RAB3IL1: variants seen among roughly 807,000 people sequenced by gnomAD.
RAB3IL1 encodes RAB3A interacting protein like 1, also known as guanine nucleotide exchange factor for Rab-3A.
Under a neutral mutation model 49.2 loss-of-function variants are expected in RAB3IL1, and 37 were observed. The observed-to-expected ratio is 0.75, with a 90% CI of 0.58 to 0.99. RAB3IL1 has a LOEUF of 0.99. Among genes scored for constraint, RAB3IL1 ranks in the 50% least tolerant of loss-of-function variants. The pLI is 0.00. For missense variants in RAB3IL1, 484 were observed against 513.0 expected (o/e 0.94, Z 0.55); for synonymous variants, 193 against 213.9 (o/e 0.90, Z 0.85).
chr11:61,900,084 ACTC>A (rs1938826173), intron 8 of RAB3IL1, among the ~76,000 whole-genome samples: 1 of 151,814 alleles, frequency 6.6e-6, no homozygotes, highest in Non-Finnish European at 1.5e-5. Flanking sequence ...CTCTGTACTC[ACTC>A]CTCCTGTAGA....
the RAB3IL1 span, among the ~76,000 whole-genome samples, chr11:61,943,098 G>C: frequency 2.0e-5 from 3 of 152,194 alleles, no homozygotes; most frequent in Admixed American, 6.5e-5. Flanking sequence ...TCCTGGTTTC[G>C]AAATTTCTAC....
At chr11:61,921,084 A>G (rs1285917186), upstream of RAB3IL1, among the ~76,000 whole-genome samples, 1 of 152,084 alleles carries the variant, frequency 6.6e-6, no homozygotes, top group Admixed American at 6.5e-5. Context: ...GGGCAGCCTC[A>G]AACTGCCCAG....
rs1939355455 is a variant in RAB3IL1, at chr11:61,909,261, A to T, written c.12-955T>A. Among the ~76,000 whole-genome samples the T allele has an allele frequency of 2.6e-5, 4 of 152,202 alleles. No homozygotes were observed. In the South Asian group the frequency reaches 8.3e-4, roughly 32 times the overall value. On this transcript the variant is annotated intron_variant, in intron 1 of 9. Transcript: ENST00000394836. ...GGGGGGAGGGGCTCAGGGAGGCTGC[A>T]CCAGAGGGGGAAGGCAAGGCCAAGG...
At chr11:61,936,403 T>TTTG in the RAB3IL1 span, among the ~76,000 whole-genome samples, 1 of 152,284 alleles carries the variant, frequency 6.6e-6, no homozygotes, top group East Asian at 1.9e-4. Context: ...AATCTTGATT[T>TTTG]TTGTTGTTGT....
chr11:61,935,216 T>G, the RAB3IL1 span, among the ~76,000 whole-genome samples: 1 of 151,960 alleles, frequency 6.6e-6, no homozygotes, highest in South Asian at 2.1e-4. Context: ...GGTCTGGGGT[T>G]CAAGACCAGC....
At chr11:61,939,488 C>T in the RAB3IL1 span, among the ~76,000 whole-genome samples, 1 of 151,688 alleles carries the variant, frequency 6.6e-6, no homozygotes, top group African/African-American at 2.4e-5. Flanking sequence ...ATAAACTAAA[C>T]CCAAAGCAAG....
intron 1 of RAB3IL1, among the ~76,000 whole-genome samples, chr11:61,910,144 C>T (rs1469509260): frequency 1.3e-5 from 2 of 152,216 alleles, no homozygotes; most frequent in African/African-American, 4.8e-5. Context: ...TGGTCAGTGA[C>T]AGTGCTGGGA....
At chr11:61,932,501 GTTAT>G in the RAB3IL1 span, among the ~76,000 whole-genome samples, 10 of 152,114 alleles carry the variant, frequency 6.6e-5, no homozygotes, top group Admixed American at 4.6e-4. Flanking sequence ...TCATTCAGCA[GTTAT>G]TTGTTTGGTA....
chr11:61,922,518 G>A (rs1456377183), upstream of RAB3IL1, among the ~76,000 whole-genome samples: 8 of 151,722 alleles, frequency 5.3e-5, no homozygotes, highest in Non-Finnish European at 7.4e-5. Flanking sequence ...GCCAAACTCC[G>A]TCTTGGAAAA....
At chr11:61,929,027 T>C in the RAB3IL1 span, among the ~76,000 whole-genome samples, 1 of 152,204 alleles carries the variant, frequency 6.6e-6, no homozygotes, top group African/African-American at 2.4e-5. Context: ...AAAAATTATT[T>C]TTAATTATGG....
chr11:61,934,446 G>GTGTATGTGTATGTATGTATATATA, the RAB3IL1 span, among the ~76,000 whole-genome samples: 1 of 24,408 alleles, frequency 4.1e-5, no homozygotes, highest in Non-Finnish European at 1.2e-4. Flanking sequence ...GTGTGTGTGT[G>GTGTATGTGTATGTATGTATATATA]TATGTATATA....
At chr11:61,934,450 G>GTGTGTGTATGTATATA in the RAB3IL1 span, among the ~76,000 whole-genome samples, 21 of 31,590 alleles carry the variant, frequency 6.6e-4, no homozygotes, top group Non-Finnish European at 1.1e-3. Flanking sequence ...GTGTGTGTAT[G>GTGTGTGTATGTATATA]TATATATATA....
the RAB3IL1 span, among the ~76,000 whole-genome samples, chr11:61,939,819 G>A: frequency 1.3e-5 from 2 of 152,054 alleles, no homozygotes; most frequent in African/African-American, 2.4e-5. Context: ...TTAGCCAGGT[G>A]TGGTGGCACA....
intron 8 of RAB3IL1, chr11:61,899,686 C>T (rs1194662776): frequency 1.7e-5 from 6 of 362,226 alleles, no homozygotes; most frequent in Non-Finnish European, 3.1e-5. Context: ...ACATCCATCA[C>T]GGAGATGGCG....
chr11:61,934,442 GTGTGTATGTATATA>G, the RAB3IL1 span, among the ~76,000 whole-genome samples: 1 of 18,708 alleles, frequency 5.3e-5, no homozygotes, highest in African/African-American at 1.6e-4. Flanking sequence ...GTGTGTGTGT[GTGTGTATGTATATA>G]TATATATATA....
At chr11:61,932,310 T>C in the RAB3IL1 span, among the ~76,000 whole-genome samples, 1 of 152,136 alleles carries the variant, frequency 6.6e-6, no homozygotes, top group South Asian at 2.1e-4. Context: ...TTCAAGATTA[T>C]TTCCCAAAAC....
At chr11:61,908,616 A>G (rs2136046357) in intron 1 of RAB3IL1, among the ~76,000 whole-genome samples, 1 of 152,316 alleles carries the variant, frequency 6.6e-6, no homozygotes, top group South Asian at 2.1e-4. Flanking sequence ...CTAACAGGTG[A>G]CTGTAAATGC....
upstream of RAB3IL1, among the ~76,000 whole-genome samples, chr11:61,918,905 C>G (rs931907229): frequency 5.3e-5 from 8 of 152,178 alleles, no homozygotes; most frequent in African/African-American, 1.9e-4. Context: ...TTTCCATGGC[C>G]ACGGCTTCCA....
rs555730350 is a variant in RAB3IL1, at chr11:61,900,046, G to A, written c.1000-666C>T. On this transcript the variant is annotated intron_variant, in intron 8 of 9. Coordinates refer to ENST00000394836, the MANE Select transcript of RAB3IL1 (RefSeq NM_013401.4). ...CCCCATCTCCCAGCTGCTGAGAGTG[G>A]GGGCACTAATGGCTCAGAGGTGCCC... Among the ~76,000 whole-genome samples, 46 of 152,308 alleles carry A rather than the reference G, an allele frequency of 3.0e-4. No individual in the cohort carries two copies. In the Middle Eastern group the frequency reaches 0.01, roughly 34 times the overall value.
Sources: gnomAD v4.1 joint callset for allele counts (sites outside exome capture counted in the v4.1 genomes callset) on GRCh38, gnomAD v4.1.1 for gene constraint, MANE v1.5 for transcripts, NCBI Gene and HGNC (gene_info 2026-07-23, HGNC 2026-07-21) for gene names.